CNTNAP2: variants seen among roughly 807,000 people sequenced by gnomAD.
The protein encoded by CNTNAP2 is contactin associated protein 2.
A neutral mutation model predicts 155.2 loss-of-function variants in CNTNAP2; 98 were observed. The observed-to-expected ratio is 0.63, with a 90% CI of 0.54 to 0.75. The LOEUF (loss-of-function observed/expected upper bound fraction) is 0.75. Ranked by LOEUF, CNTNAP2 falls within the 30% of genes least tolerant of loss-of-function variation. The probability of loss-of-function intolerance (pLI) is 0.00; values close to 1 mark genes in which losing one functional copy is unlikely to be tolerated. For synonymous variants in CNTNAP2, 651 were observed against 631.2 expected (o/e 1.03, Z -0.47); for missense variants, 1,727 against 1,688.1 (o/e 1.02, Z -0.40).
At chr7:147,555,061 G>A (rs1158802252) in intron 11 of CNTNAP2, among the ~76,000 whole-genome samples, 2 of 152,172 alleles carry the variant, frequency 1.3e-5, no homozygotes, top group Non-Finnish European at 2.9e-5. Flanking sequence ...ACCTTAACAG[G>A]AATAATTAGG....
intron 1 of CNTNAP2, among the ~76,000 whole-genome samples, chr7:146,181,427 T>G (rs1337821833): frequency 6.6e-6 from 1 of 152,162 alleles, no homozygotes; most frequent in Non-Finnish European, 1.5e-5. Flanking sequence ...TATTATTATT[T>G]CTAATAAGAG....
At chr7:147,838,470 T>A (rs1798668194) in intron 13 of CNTNAP2, among the ~76,000 whole-genome samples, 1 of 152,196 alleles carries the variant, frequency 6.6e-6, no homozygotes, top group African/African-American at 2.4e-5. Context: ...CTTTTTAAAC[T>A]GAATGCCTTT....
intron 13 of CNTNAP2, among the ~76,000 whole-genome samples, chr7:147,749,096 G>A (rs372810573): frequency 2.6e-5 from 4 of 152,260 alleles, no homozygotes; most frequent in African/African-American, 7.2e-5. Flanking sequence ...TACAATATTT[G>A]GGGGGAAAGA....
chr7:148,219,467 G>A (rs1287507996), intron 19 of CNTNAP2, among the ~76,000 whole-genome samples: 1 of 152,196 alleles, frequency 6.6e-6, no homozygotes, highest in Non-Finnish European at 1.5e-5. Context: ...GCTGAGGCAG[G>A]AGGATTGCTT....
chr7:146,778,796 A>G (rs1802434090), intron 2 of CNTNAP2, among the ~76,000 whole-genome samples: 1 of 152,206 alleles, frequency 6.6e-6, no homozygotes, highest in Non-Finnish European at 1.5e-5. Context: ...CCAAACTTTC[A>G]ACCTTGTACT....
chr7:146,446,267 T>A (rs1796400735), intron 1 of CNTNAP2, among the ~76,000 whole-genome samples: 1 of 152,090 alleles, frequency 6.6e-6, no homozygotes, highest in Non-Finnish European at 1.5e-5. Context: ...GAAAACAGTC[T>A]TGGAAACAGT....
chr7:147,698,008 T>G (rs1189031376), intron 13 of CNTNAP2, among the ~76,000 whole-genome samples: 1 of 152,160 alleles, frequency 6.6e-6, no homozygotes, highest in Non-Finnish European at 1.5e-5. Context: ...AGTTCGTTAA[T>G]TACAGTTTAG....
chr7:148,102,414 G>GAAT (rs1236615988), intron 15 of CNTNAP2, among the ~76,000 whole-genome samples: 1 of 152,166 alleles, frequency 6.6e-6, no homozygotes, highest in Non-Finnish European at 1.5e-5. Context: ...TTGCTGTTGT[G>GAAT]AATAGTCCTG....
intron 1 of CNTNAP2, among the ~76,000 whole-genome samples, chr7:146,721,775 T>TA (rs1472636816): frequency 4.0e-5 from 5 of 125,906 alleles, no homozygotes; most frequent in African/African-American, 1.0e-4. Context: ...TACATATATA[T>TA]TCTATATATA....
intron 2 of CNTNAP2, among the ~76,000 whole-genome samples, chr7:146,813,695 G>A (rs534008395): frequency 1.7e-4 from 26 of 152,240 alleles, no homozygotes; most frequent in Middle Eastern, 6.8e-3. Context: ...ATTGTGTTTC[G>A]AAATGTGAGG....
intron 1 of CNTNAP2, among the ~76,000 whole-genome samples, chr7:146,525,489 A>G (rs1300140558): frequency 6.6e-6 from 1 of 152,152 alleles, no homozygotes; most frequent in Non-Finnish European, 1.5e-5. Flanking sequence ...AAATGGTAGT[A>G]AAAGAGTCAA....
chr7:146,375,252 C>A (rs868319595), intron 1 of CNTNAP2, among the ~76,000 whole-genome samples: 2 of 152,314 alleles, frequency 1.3e-5, no homozygotes, highest in South Asian at 4.1e-4. Flanking sequence ...AAAAGAAATG[C>A]TTTTGCTCTT....
chr7:147,326,049 AGTAGCTGGGAC>A (rs1795449983), intron 9 of CNTNAP2, among the ~76,000 whole-genome samples: 1 of 151,908 alleles, frequency 6.6e-6, no homozygotes, highest in Non-Finnish European at 1.5e-5. Flanking sequence ...CAGCCTCCCC[AGTAGCTGGGAC>A]GACAAGCGCA....
intron 11 of CNTNAP2, among the ~76,000 whole-genome samples, chr7:147,549,225 C>T (rs1005989628): frequency 2.6e-5 from 4 of 152,072 alleles, no homozygotes; most frequent in African/African-American, 9.7e-5. Context: ...GATTCTTCCT[C>T]TCCGTGAGGA....
At chr7:146,984,718 AT>A (rs1364989290) in intron 3 of CNTNAP2, among the ~76,000 whole-genome samples, 1 of 151,940 alleles carries the variant, frequency 6.6e-6, no homozygotes, top group African/African-American at 2.4e-5. Flanking sequence ...TTTTTATAGT[AT>A]TTCTGTCTCT....
chr7:147,516,294 T>C (rs1799125505), intron 11 of CNTNAP2, among the ~76,000 whole-genome samples: 1 of 152,210 alleles, frequency 6.6e-6, no homozygotes, highest in Admixed American at 6.5e-5. Context: ...TCAGGCTCAA[T>C]GATTCACTAT....
In CNTNAP2 at chr7:147,912,384, C is replaced by T. The variant is rs1800082544; in HGVS notation, c.2255+8663C>T. ...CTGACCTCCTTGCCTGCATGCCTTG[C>T]TGCCACCCTGCTGCTGACACTGCCC... On this transcript the variant is annotated intron_variant, in intron 14 of 23. Coordinates refer to ENST00000361727, the MANE Select transcript of CNTNAP2 (RefSeq NM_014141.6). Among the ~76,000 whole-genome samples the T allele has an allele frequency of 3.3e-5, 5 of 152,284 alleles. No homozygotes were observed. In the South Asian group the frequency reaches 1.0e-3, roughly 32 times the overall value.
chr7:146,288,793 ATTTTT>A (rs757136036), intron 1 of CNTNAP2, among the ~76,000 whole-genome samples: 2,350 of 99,912 alleles, frequency 0.024, 66 homozygotes, highest in African/African-American at 0.12. Context: ...AAAATTAGTA[ATTTTT>A]TTTTTTTTTT....
intron 1 of CNTNAP2, among the ~76,000 whole-genome samples, chr7:146,438,064 A>G (rs966719921): frequency 1.3e-5 from 2 of 151,456 alleles, no homozygotes; most frequent in Non-Finnish European, 2.9e-5. Flanking sequence ...TTTATTGTTA[A>G]GCCCCTAGGA....
Sources: allele counts gnomAD v4.1 joint callset (sites outside exome capture counted in the v4.1 genomes callset), GRCh38; gene constraint gnomAD v4.1.1; transcripts MANE v1.5; gene names NCBI Gene and HGNC (gene_info 2026-07-23, HGNC 2026-07-21).